Variants in C1orf146 observed in about 807,000 individuals in gnomAD.
C1orf146 encodes the protein protein SPO16 homolog.
C1orf146 carries 22 observed loss-of-function variants against 23.0 expected under a neutral mutation model. The observed-to-expected ratio is 0.96, with a 90% CI of 0.68 to 1.36. The LOEUF is 1.36. Among genes scored for constraint, C1orf146 ranks in the 40% most tolerant of loss-of-function variants. The probability of loss-of-function intolerance (pLI) is 0.00; values close to 1 mark genes in which losing one functional copy is unlikely to be tolerated. For synonymous variants in C1orf146, 59 were observed against 65.3 expected, an observed-to-expected ratio of 0.90 and a Z score of 0.47; for missense variants, 199 against 206.8, an observed-to-expected ratio of 0.96 and a Z score of 0.23.
chr1:92,229,437 T>G (rs1164451466), intron 1 of C1orf146: 1 of 521,080 alleles, frequency 1.9e-6, no homozygotes, highest in Non-Finnish European at 3.8e-6. Context: ...CTTCTCCAGC[T>G]TTTTGTCATC....
intron 2 of C1orf146, 147 bp downstream of exon 2, chr1:92,231,633 G>A: frequency 2.1e-6 from 1 of 474,164 alleles, no homozygotes; most frequent in Non-Finnish European, 3.8e-6. Context: ...GTATTTTAAA[G>A]ATAAATTAAT....
intron 1 of C1orf146, among the ~76,000 whole-genome samples, chr1:92,230,622 A>G (rs1442869812): frequency 2.0e-5 from 3 of 151,836 alleles, no homozygotes; most frequent in Admixed American, 2.0e-4. Flanking sequence ...TCTCAAAAAA[A>G]AAAAAAAATC....
At chr1:92,245,081 T>C (rs1214204502) in intron 5 of C1orf146, among the ~76,000 whole-genome samples, 1 of 152,204 alleles carries the variant, frequency 6.6e-6, no homozygotes, top group South Asian at 2.1e-4. Context: ...CAAAAGAGCA[T>C]TTGGCTGGCC....
chr1:92,217,990 C>A lies in C1orf146; in HGVS notation c.-98C>A. On this transcript the variant is annotated 5_prime_UTR_variant, in exon 1 of 6. Coordinates refer to ENST00000370375, the MANE Select transcript of C1orf146 (RefSeq NM_001012425.2). ...CCTACCGGCGGCGCCTCTCACTGCTCACGGAACGTTCTGGAAGTTTGGGAA... is the reference window on the plus strand; with the variant it reads ...CCTACCGGCGGCGCCTCTCACTGCTAACGGAACGTTCTGGAAGTTTGGGAA... 6.6e-6 allele frequency: 1 copy of A among 152,442 alleles called. No homozygotes were observed. Among genetic ancestry groups the A allele is most frequent in the Non-Finnish European group, 1.5e-5 (1 of 68,112 alleles). The allele number at this position is 152,442 out of a possible 1,614,324, so 9.4% of individuals were successfully genotyped here.
At chr1:92,232,688 T>A (rs6661966) in intron 2 of C1orf146, among the ~76,000 whole-genome samples, 129,804 of 150,412 alleles carry the variant, frequency 0.86, 56,435 homozygotes, top group East Asian at 1. Flanking sequence ...CACCACACTG[T>A]CTTCCACAAT....
intron 2 of C1orf146, among the ~76,000 whole-genome samples, chr1:92,232,093 C>A (rs1652137787): frequency 6.6e-6 from 1 of 151,840 alleles, no homozygotes; most frequent in South Asian, 2.1e-4. Context: ...GTTGTGAGTC[C>A]ATTTTCATAA....
At chr1:92,224,584 C>T (rs1182305933) in intron 1 of C1orf146, among the ~76,000 whole-genome samples, 2 of 152,216 alleles carry the variant, frequency 1.3e-5, no homozygotes, top group Non-Finnish European at 2.9e-5. Flanking sequence ...CTAAAACATA[C>T]TGATGTTGAA....
chr1:92,230,021 G>T (rs989954338), intron 1 of C1orf146, among the ~76,000 whole-genome samples: 2 of 152,046 alleles, frequency 1.3e-5, no homozygotes, highest in African/African-American at 4.8e-5. Context: ...GAACTTAAAT[G>T]CAATTTTGTT....
intron 1 of C1orf146, among the ~76,000 whole-genome samples, chr1:92,222,949 G>A (rs1032834894): frequency 6.6e-6 from 1 of 152,048 alleles, no homozygotes; most frequent in South Asian, 2.1e-4. Flanking sequence ...GGGGGCGGGG[G>A]TTGGCATCTT....
intron 2 of C1orf146, among the ~76,000 whole-genome samples, chr1:92,236,682 T>C (rs1652285643): frequency 6.6e-6 from 1 of 152,222 alleles, no homozygotes; most frequent in Non-Finnish European, 1.5e-5. Context: ...GAAGTTCTCC[T>C]GGATAATATG....
intron 4 of C1orf146, 52 bp downstream of exon 4, chr1:92,244,437 A>C (rs755107636): frequency 7.3e-7 from 1 of 1,372,832 alleles, no homozygotes; most frequent in Non-Finnish European, 1.0e-6. Context: ...TATTTATTTC[A>C]GTTCTTAATT....
At chr1:92,237,009 C>T (rs1338682255) in intron 2 of C1orf146, among the ~76,000 whole-genome samples, 1 of 152,086 alleles carries the variant, frequency 6.6e-6, no homozygotes, top group Non-Finnish European at 1.5e-5. Flanking sequence ...TATACGTTCG[C>T]CTAAATTTTT....
At chr1:92,218,630 C>T (rs1163755580) in intron 1 of C1orf146, among the ~76,000 whole-genome samples, 1 of 152,182 alleles carries the variant, frequency 6.6e-6, no homozygotes, top group Non-Finnish European at 1.5e-5. Flanking sequence ...ACTCGTGTCA[C>T]GGGAGTTTGT....
intron 3 of C1orf146, 100 bp from the exon 4 acceptor site, chr1:92,244,117 C>T: frequency 4.6e-6 from 3 of 653,444 alleles, no homozygotes; most frequent in Non-Finnish European, 7.5e-6. Flanking sequence ...AGGGCTTGGA[C>T]ACATGTGGTA....
chr1:92,219,192 TA>T (rs1651759559), intron 1 of C1orf146, among the ~76,000 whole-genome samples: 3 of 152,132 alleles, frequency 2.0e-5, no homozygotes, highest in African/African-American at 7.2e-5. Context: ...TAAGTATGTG[TA>T]GGGGGGGTTA....
chr1:92,235,740 C>A (rs943934634), intron 2 of C1orf146, among the ~76,000 whole-genome samples: 4 of 151,880 alleles, frequency 2.6e-5, no homozygotes, highest in African/African-American at 7.3e-5. Context: ...AGTGTGTGGG[C>A]GTCTAAGTCT....
chr1:92,235,788 A>G (rs867354384), intron 2 of C1orf146, among the ~76,000 whole-genome samples: 4 of 152,132 alleles, frequency 2.6e-5, no homozygotes, highest in East Asian at 3.9e-4. Context: ...ATGAATCTGG[A>G]TGCTCCTGTA....
chr1:92,226,741 G>T (rs1318950734), intron 1 of C1orf146, among the ~76,000 whole-genome samples: 1 of 152,112 alleles, frequency 6.6e-6, no homozygotes, highest in South Asian at 2.1e-4. Context: ...TTCAGTTGTA[G>T]AATTTAGTCT....
chr1:92,219,088 A>G (rs899490932), intron 1 of C1orf146, among the ~76,000 whole-genome samples: 22 of 152,234 alleles, frequency 1.4e-4, no homozygotes, highest in African/African-American at 5.3e-4. Flanking sequence ...ACTGATAGGC[A>G]CAAACATACA....
Sources: allele counts gnomAD v4.1 joint callset (sites outside exome capture counted in the v4.1 genomes callset), GRCh38; gene constraint gnomAD v4.1.1; transcripts MANE v1.5; gene names NCBI Gene and HGNC (gene_info 2026-07-23, HGNC 2026-07-21).